The following CDH4 variants were observed in gnomAD, a reference collection of about 807,000 sequenced individuals.
The protein encoded by CDH4 is cadherin-4.
In CDH4, 33 loss-of-function variants were observed where a neutral mutation model predicts 86.0. The ratio of observed to expected loss-of-function variants is 0.38; its 90% CI spans 0.29 to 0.51. CDH4 has a LOEUF of 0.51. Among genes scored for constraint, CDH4 ranks in the 20% least tolerant of loss-of-function variants. CDH4 has a pLI of 0.86. For missense variants in CDH4, 1,114 were observed against 1,307.4 expected, an observed-to-expected ratio of 0.85 and a Z score of 2.28; for synonymous variants, 555 against 549.4, an observed-to-expected ratio of 1.01 and a Z score of -0.14.
At chr20:61,683,169 T>C (rs2087535792) in intron 2 of CDH4, among the ~76,000 whole-genome samples, 1 of 152,184 alleles carries the variant, frequency 6.6e-6, no homozygotes, top group African/African-American at 2.4e-5. Flanking sequence ...TGTGTGAATG[T>C]GCAGAGTACG....
chr20:61,548,978 G>T (rs2086108318), intron 2 of CDH4, among the ~76,000 whole-genome samples: 1 of 152,050 alleles, frequency 6.6e-6, no homozygotes, highest in African/African-American at 2.4e-5. Flanking sequence ...AATGCCTTCG[G>T]GTCTCGGGGG....
At chr20:61,433,814 G>T (rs1414852863) in intron 2 of CDH4, among the ~76,000 whole-genome samples, 4 of 152,174 alleles carry the variant, frequency 2.6e-5, no homozygotes, top group Admixed American at 1.3e-4. Flanking sequence ...ATGATAAAGG[G>T]TGTGATGTAG....
chr20:61,468,796 G>A (rs1468407766), intron 2 of CDH4, among the ~76,000 whole-genome samples: 3 of 152,128 alleles, frequency 2.0e-5, no homozygotes, highest in African/African-American at 7.2e-5. Context: ...AGAAATAAGT[G>A]AGAACATGCA....
intron 8 of CDH4, among the ~76,000 whole-genome samples, chr20:61,908,087 C>T (rs532024648): frequency 7.2e-5 from 11 of 152,240 alleles, no homozygotes; most frequent in Admixed American, 3.9e-4. Context: ...AGCCCCAGGT[C>T]GAGGAGGCTG....
chr20:61,846,759 T>G (rs566092819), intron 5 of CDH4, among the ~76,000 whole-genome samples: 175 of 152,300 alleles, frequency 1.1e-3, no homozygotes, highest in South Asian at 3.3e-3. Flanking sequence ...TGTTTCTGTC[T>G]GTTGTTTTTT....
intron 2 of CDH4, among the ~76,000 whole-genome samples, chr20:61,614,525 GGGACTGGCCTGCAGT>G (rs1421489365): frequency 6.6e-6 from 1 of 152,114 alleles, no homozygotes; most frequent in African/African-American, 2.4e-5. Context: ...GCCGGTGCGT[GGGACTGGCCTGCAGT>G]GGGGGTTGTG....
intron 2 of CDH4, among the ~76,000 whole-genome samples, chr20:61,505,956 G>T (rs925735583): frequency 1.2e-4 from 18 of 152,322 alleles, no homozygotes; most frequent in Middle Eastern, 6.8e-3. Context: ...AATCTGCCAG[G>T]TCCATTCGAA....
intron 2 of CDH4, among the ~76,000 whole-genome samples, chr20:61,340,229 G>A (rs567111921): frequency 3.3e-5 from 5 of 152,152 alleles, no homozygotes; most frequent in African/African-American, 4.8e-5. Flanking sequence ...AACAGGTGAC[G>A]AGGAATGAGA....
intron 7 of CDH4, among the ~76,000 whole-genome samples, chr20:61,883,839 A>G (rs560875396): frequency 5.9e-5 from 9 of 152,308 alleles, no homozygotes; most frequent in African/African-American, 2.2e-4. Flanking sequence ...CATTCCTGGC[A>G]GCTCCTCTTC....
rs557704209 is a variant in CDH4 at position 61,392,976 on chromosome 20, G to A, written c.169+138039G>A. 6.6e-6 allele frequency among the ~76,000 whole-genome samples: 1 copy of A among 152,250 alleles called. No homozygotes were observed. Among genetic ancestry groups the A allele is most frequent in the South Asian group, 2.1e-4 (1 of 4,808 alleles). Reference sequence around the variant, plus strand: ...CCAAGGGCAGCCGAGCCTCCTGCTTGAGCACATGCCTTGTCGCTCAGGGCT... The same window carrying A: ...CCAAGGGCAGCCGAGCCTCCTGCTTAAGCACATGCCTTGTCGCTCAGGGCT... On this transcript the variant is annotated intron_variant, in intron 2 of 15. Transcript: ENST00000614565. The surrounding 1 kb of genome is among the most constrained non-coding windows in gnomAD (Gnocchi z 5.7).
intron 4 of CDH4, among the ~76,000 whole-genome samples, chr20:61,800,585 CG>C (rs1485748351): frequency 6.6e-6 from 1 of 152,234 alleles, no homozygotes; most frequent in East Asian, 1.9e-4. Context: ...CAGGGCAGAG[CG>C]GGGCTGCAGT....
intron 3 of CDH4, among the ~76,000 whole-genome samples, chr20:61,758,969 GCA>G (rs2088599464): frequency 6.6e-6 from 1 of 151,652 alleles, no homozygotes; most frequent in Non-Finnish European, 1.5e-5. Flanking sequence ...GCACATGTGC[GCA>G]TGGGTGTGCA....
At chr20:61,825,008 TG>T (rs1981244689) in intron 4 of CDH4, among the ~76,000 whole-genome samples, 1 of 152,218 alleles carries the variant, frequency 6.6e-6, no homozygotes, top group African/African-American at 2.4e-5. Flanking sequence ...CAGCTATAAC[TG>T]GGTTTATGGC....
At chr20:61,761,642 T>G (rs984355123) in intron 3 of CDH4, among the ~76,000 whole-genome samples, 1 of 152,138 alleles carries the variant, frequency 6.6e-6, no homozygotes, top group African/African-American at 2.4e-5. Context: ...CTAGACAAAG[T>G]CAAAGGCCGG....
intron 2 of CDH4, among the ~76,000 whole-genome samples, chr20:61,474,688 AT>A (rs892640314): frequency 6.6e-6 from 1 of 151,900 alleles, no homozygotes; most frequent in African/African-American, 2.4e-5. Context: ...TGTAATTACA[AT>A]TGCTTTCAAC....
At chr20:61,932,322 C>T (rs1402774289) in intron 13 of CDH4, among the ~76,000 whole-genome samples, 1 of 152,186 alleles carries the variant, frequency 6.6e-6, no homozygotes, top group African/African-American at 2.4e-5. Context: ...AAATCAATGA[C>T]TCAAAATGTA....
intron 2 of CDH4, among the ~76,000 whole-genome samples, chr20:61,686,935 ACCCCCGC>A (rs1421549167): frequency 6.6e-6 from 1 of 151,408 alleles, no homozygotes; most frequent in Non-Finnish European, 1.5e-5. Context: ...CTCCAAACCA[ACCCCCGC>A]CCCCCGACCC....
intron 2 of CDH4, among the ~76,000 whole-genome samples, chr20:61,284,724 G>A (rs2084283673): frequency 6.6e-6 from 1 of 152,190 alleles, no homozygotes; most frequent in African/African-American, 2.4e-5. Flanking sequence ...CATCCAAACT[G>A]GCTGAAGCCC....
At chr20:61,523,976 G>A (rs1021479674) in intron 2 of CDH4, among the ~76,000 whole-genome samples, 3 of 152,194 alleles carry the variant, frequency 2.0e-5, no homozygotes, top group Non-Finnish European at 2.9e-5. Flanking sequence ...GATATCTGAC[G>A]AATTCACCTA....
Sources: gnomAD v4.1 joint callset for allele counts (sites outside exome capture counted in the v4.1 genomes callset) on GRCh38, gnomAD v4.1.1 for gene constraint, Gnocchi (gnomAD v3.1) non-coding constraint, MANE v1.5 for transcripts, NCBI Gene and HGNC (gene_info 2026-07-23, HGNC 2026-07-21) for gene names.